MED27: variants seen among roughly 807,000 people sequenced by gnomAD.
MED27 encodes mediator complex subunit 27, also known as mediator of RNA polymerase II transcription subunit 27.
A neutral mutation model predicts 38.2 loss-of-function variants in MED27; 30 were observed. The ratio of observed to expected loss-of-function variants is 0.79; its 90% CI spans 0.59 to 1.07. The LOEUF (loss-of-function observed/expected upper bound fraction) is 1.07, where lower values mean the gene tolerates loss of function less well. MED27 is among the 50% of genes least tolerant of loss of function. The pLI is 0.00. For missense variants in MED27, 289 were observed against 397.5 expected (o/e 0.73, Z 2.32); for synonymous variants, 122 against 153.5 (o/e 0.79, Z 1.52).
At chr9:131,968,818 A>C (rs1831413128) in intron 3 of MED27, among the ~76,000 whole-genome samples, 1 of 152,180 alleles carries the variant, frequency 6.6e-6, no homozygotes, top group Admixed American at 6.5e-5. Flanking sequence ...GCAAAGCTTC[A>C]TCTGTATTTA....
chr9:131,928,513 C>T (rs920683942), intron 4 of MED27, among the ~76,000 whole-genome samples: 1 of 152,206 alleles, frequency 6.6e-6, no homozygotes, highest in African/African-American at 2.4e-5. Context: ...CTCCTTCCTC[C>T]AGCAGCTGCT....
intron 4 of MED27, among the ~76,000 whole-genome samples, chr9:131,921,108 TGC>T (rs1830383749): frequency 1.3e-5 from 2 of 152,200 alleles, no homozygotes; most frequent in Non-Finnish European, 2.9e-5. Flanking sequence ...TAAATATGCA[TGC>T]TTACAAATGT....
At chr9:132,021,984 C>T (rs886321699) in intron 2 of MED27, among the ~76,000 whole-genome samples, 24 of 152,186 alleles carry the variant, frequency 1.6e-4, no homozygotes, top group African/African-American at 5.5e-4. Context: ...GTTGTTTACC[C>T]CAGTCTATGG....
At chr9:131,952,422 G>GGGC (rs1033578221) in intron 3 of MED27, among the ~76,000 whole-genome samples, 18 of 152,302 alleles carry the variant, frequency 1.2e-4, no homozygotes, top group Admixed American at 1.2e-3. Context: ...GGCGGCAGGG[G>GGGC]GGCAGCAGCA....
chr9:132,065,158 C>T (rs1201358318), intron 2 of MED27, among the ~76,000 whole-genome samples: 2 of 152,202 alleles, frequency 1.3e-5, no homozygotes, highest in Non-Finnish European at 2.9e-5. Flanking sequence ...CATTTTCTCA[C>T]ACGTTAATGC....
chr9:131,949,978 T>A (rs1408615761), intron 3 of MED27, among the ~76,000 whole-genome samples: 1 of 151,658 alleles, frequency 6.6e-6, no homozygotes, highest in Non-Finnish European at 1.5e-5. Flanking sequence ...AATATTAATA[T>A]AATTAATAAT....
At chr9:131,950,388 A>C (rs2130983984) in intron 3 of MED27, among the ~76,000 whole-genome samples, 1 of 152,248 alleles carries the variant, frequency 6.6e-6, no homozygotes, top group South Asian at 2.1e-4. Context: ...CCCACATTCC[A>C]ATGGCTTTCC....
chr9:131,943,996 G>GT lies in MED27; in HGVS notation c.480-4523dup, dbSNP rs528209390. Among the ~76,000 whole-genome samples, 1,141 of 152,248 alleles carry GT rather than the reference G, an allele frequency of 7.5e-3. 8 individuals carry two copies. Among genetic ancestry groups the GT allele is most frequent in the Middle Eastern group, 0.024 (7 of 294 alleles). Reference sequence around the variant, plus strand: ...TTCCCTGCCCTTTGCCCTAGCTGCGGTAAGACTCTCAACGGTTTCCAATCC... The same window carrying GT: ...TTCCCTGCCCTTTGCCCTAGCTGCGGTTAAGACTCTCAACGGTTTCCAATCC... On this transcript the variant is annotated intron_variant, in intron 3 of 7. Coordinates refer to ENST00000292035, the MANE Select transcript of MED27 (RefSeq NM_004269.4).
chr9:131,893,812 TC>T (rs1829768444), intron 5 of MED27, 72 bp downstream of exon 5: 2 of 1,031,992 alleles, frequency 1.9e-6, no homozygotes, highest in Non-Finnish European at 3.0e-6. Context: ...TTAATGCCAT[TC>T]ATCTGGAATT....
intron 4 of MED27, among the ~76,000 whole-genome samples, chr9:131,904,806 CTGGTT>C (rs890634292): frequency 2.1e-4 from 32 of 152,260 alleles, no homozygotes; most frequent in Non-Finnish European, 3.7e-4. Context: ...TCAGAATATC[CTGGTT>C]GGAGGGGAAT....
chr9:131,923,010 G>C (rs1459469794), intron 4 of MED27, among the ~76,000 whole-genome samples: 1 of 152,124 alleles, frequency 6.6e-6, no homozygotes, highest in Non-Finnish European at 1.5e-5. Context: ...TCCTGTTCTG[G>C]AATCAGCCAC....
At chr9:132,062,055 G>A (rs1351320071) in intron 2 of MED27, among the ~76,000 whole-genome samples, 1 of 152,134 alleles carries the variant, frequency 6.6e-6, no homozygotes, top group Non-Finnish European at 1.5e-5. Context: ...CCACCAACCT[G>A]CAGAAAAGTG....
intron 2 of MED27, among the ~76,000 whole-genome samples, chr9:132,037,710 T>C (rs570726026): frequency 5.3e-5 from 8 of 152,096 alleles, no homozygotes; most frequent in South Asian, 2.1e-4. Flanking sequence ...GAAATGACAA[T>C]GGCATTGCAA....
At chr9:131,959,247 G>A (rs1380832836) in intron 3 of MED27, among the ~76,000 whole-genome samples, 2 of 151,586 alleles carry the variant, frequency 1.3e-5, no homozygotes, top group Non-Finnish European at 2.9e-5. Context: ...TCTTTCATAA[G>A]GTGGCTGTGA....
At chr9:132,064,480 C>T (rs956358354) in intron 2 of MED27, among the ~76,000 whole-genome samples, 6 of 152,170 alleles carry the variant, frequency 3.9e-5, no homozygotes, top group Non-Finnish European at 5.9e-5. Flanking sequence ...CGTCTGAGGT[C>T]GATGGAACCC....
intron 4 of MED27, among the ~76,000 whole-genome samples, chr9:131,905,655 G>A (rs1443888943): frequency 8.5e-6 from 1 of 117,626 alleles, no homozygotes; most frequent in African/African-American, 3.3e-5. Flanking sequence ...CTGTGATCAA[G>A]CCATTGCTCT....
intron 3 of MED27, among the ~76,000 whole-genome samples, chr9:131,954,291 CAGG>C (rs1303432465): frequency 3.9e-5 from 6 of 152,270 alleles, no homozygotes; most frequent in Admixed American, 2.0e-4. Context: ...GATGTGAGCA[CAGG>C]AGGAGGGCCT....
rs1026204205 is a variant in MED27 at position 132,077,433 on chromosome 9, C to G, written c.348+9G>C. 6 of 1,610,824 alleles carry G rather than the reference C, an allele frequency of 3.7e-6. No individual in the cohort carries two copies. In the African/African-American group the frequency reaches 6.7e-5, roughly 18 times the overall value. On this transcript the variant is annotated intron_variant, in intron 2 of 7. Transcript: ENST00000292035. ...CATATATTAGCTCCGTTTATTACAT[C>G]TCCCTTACCTTGTTTGACCACTTAT...
At chr9:132,041,870 G>C (rs540619400) in intron 2 of MED27, among the ~76,000 whole-genome samples, 1 of 152,352 alleles carries the variant, frequency 6.6e-6, no homozygotes, top group South Asian at 2.1e-4. Context: ...GATTAAGATA[G>C]ATTAAATACC....
Sources: gnomAD v4.1 joint callset for allele counts (sites outside exome capture counted in the v4.1 genomes callset) on GRCh38, gnomAD v4.1.1 for gene constraint, MANE v1.5 for transcripts, NCBI Gene and HGNC (gene_info 2026-07-23, HGNC 2026-07-21) for gene names.